Variants in RAP1GDS1 observed in about 807,000 individuals in gnomAD.
RAP1GDS1 encodes the protein RAP1, GTP-GDP dissociation stimulator 1.
In RAP1GDS1, 35 loss-of-function variants were observed where a neutral mutation model predicts 71.1. The observed-to-expected ratio is 0.49, with a 90% CI of 0.38 to 0.65. The LOEUF is 0.65. Among genes scored for constraint, RAP1GDS1 ranks in the 30% least tolerant of loss-of-function variants. The pLI, the probability that RAP1GDS1 is intolerant of heterozygous loss-of-function variation, is 0.00. For synonymous variants in RAP1GDS1, 229 were observed against 243.1 expected (o/e 0.94, Z 0.54); for missense variants, 663 against 706.1 (o/e 0.94, Z 0.69).
chr4:98,357,886 G>T (rs1227176347), intron 4 of RAP1GDS1, among the ~76,000 whole-genome samples: 2 of 151,932 alleles, frequency 1.3e-5, no homozygotes, highest in African/African-American at 4.8e-5. Context: ...GTAAGCTTGT[G>T]TGGATTAAGT....
chr4:98,363,228 C>A (rs1447191189), intron 4 of RAP1GDS1, among the ~76,000 whole-genome samples: 1 of 151,932 alleles, frequency 6.6e-6, no homozygotes, highest in Non-Finnish European at 1.5e-5. Flanking sequence ...TGGCTCACAT[C>A]TGTAATCCCA....
chr4:98,320,046 T>A (rs901630786), intron 2 of RAP1GDS1, among the ~76,000 whole-genome samples: 4 of 152,144 alleles, frequency 2.6e-5, no homozygotes, highest in African/African-American at 9.7e-5. Context: ...TATTTTGTCT[T>A]CTGTATGATT....
intron 4 of RAP1GDS1, among the ~76,000 whole-genome samples, chr4:98,369,164 C>G (rs1739979461): frequency 6.6e-6 from 1 of 152,082 alleles, no homozygotes; most frequent in African/African-American, 2.4e-5. Context: ...AAACAATCCG[C>G]CATGATTCAG....
intron 2 of RAP1GDS1, among the ~76,000 whole-genome samples, chr4:98,319,337 A>G (rs1041091937): frequency 2.0e-5 from 3 of 152,210 alleles, no homozygotes; most frequent in African/African-American, 7.2e-5. Flanking sequence ...CTCCCTTATT[A>G]GCATATATTT....
chr4:98,305,632 T>C (rs562359508), intron 2 of RAP1GDS1, among the ~76,000 whole-genome samples: 28 of 152,280 alleles, frequency 1.8e-4, no homozygotes, highest in Admixed American at 1.6e-3. Flanking sequence ...AGAAACAAGA[T>C]GTATAACAGT....
At chr4:98,328,054 C>T (rs550914882) in intron 2 of RAP1GDS1, among the ~76,000 whole-genome samples, 1 of 152,322 alleles carries the variant, frequency 6.6e-6, no homozygotes, top group Middle Eastern at 3.4e-3. Flanking sequence ...GTAAAGACAA[C>T]TAATTAAATA....
In RAP1GDS1 at chr4:98,292,601, A is replaced by T. The variant is rs376897547; in HGVS notation, c.5-807A>T. Among the ~76,000 whole-genome samples the T allele has an allele frequency of 1.3e-3, 203 of 152,170 alleles. 3 individuals are homozygous for T. The highest frequency in any genetic ancestry group is 3.8e-3 in the African/African-American group (157 of 41,526). On this transcript the variant is annotated intron_variant, in intron 1 of 14. Transcript: ENST00000408927. ...AAAAAACAATGCTATTCTTCTTGCT[A>T]AATTTTTTTGTTAGGAAATAATTTT...
At chr4:98,371,667 A>C (rs1214535048) in intron 4 of RAP1GDS1, among the ~76,000 whole-genome samples, 1 of 149,994 alleles carries the variant, frequency 6.7e-6, no homozygotes, top group Non-Finnish European at 1.5e-5. Flanking sequence ...AGTAGAGATG[A>C]GATTTCACTG....
At chr4:98,262,170 C>T (rs1166520579) in intron 1 of RAP1GDS1, among the ~76,000 whole-genome samples, 1 of 152,214 alleles carries the variant, frequency 6.6e-6, no homozygotes, top group African/African-American at 2.4e-5. Context: ...CCACGAGGAA[C>T]GTGAGGCAGG....
chr4:98,371,602 G>A (rs982742233), intron 4 of RAP1GDS1, among the ~76,000 whole-genome samples: 5 of 151,786 alleles, frequency 3.3e-5, no homozygotes, highest in East Asian at 1.9e-4. Flanking sequence ...TCAGCCTCCC[G>A]AGTAGCTGGG....
At chr4:98,368,720 A>T (rs1017058568) in intron 4 of RAP1GDS1, among the ~76,000 whole-genome samples, 10 of 152,302 alleles carry the variant, frequency 6.6e-5, no homozygotes, top group African/African-American at 2.2e-4. Flanking sequence ...GAAAAGTTAT[A>T]CATTTAAAAT....
At chr4:98,386,425 A>C (rs1307982265) in intron 5 of RAP1GDS1, among the ~76,000 whole-genome samples, 2 of 151,922 alleles carry the variant, frequency 1.3e-5, no homozygotes, top group African/African-American at 2.4e-5. Context: ...CAAAAGGGAA[A>C]TTTTGCCATG....
chr4:98,421,920 G>A (rs1283906166), intron 12 of RAP1GDS1, among the ~76,000 whole-genome samples: 5 of 151,964 alleles, frequency 3.3e-5, no homozygotes, highest in African/African-American at 7.2e-5. Context: ...TTTTCTTGTT[G>A]GGCGTGGTGG....
At chr4:98,421,168 C>A in intron 11 of RAP1GDS1, 87 bp from the exon 12 acceptor site, 2 of 1,319,618 alleles carry the variant, frequency 1.5e-6, no homozygotes, top group Non-Finnish European at 2.0e-6. Context: ...TTTTTTTAGA[C>A]GTCCTTCACA....
intron 6 of RAP1GDS1, among the ~76,000 whole-genome samples, chr4:98,402,203 C>G (rs1745520634): frequency 6.6e-6 from 1 of 152,108 alleles, no homozygotes; most frequent in Non-Finnish European, 1.5e-5. Flanking sequence ...TCCTGAGTAG[C>G]TGGGACTATA....
At chr4:98,307,106 G>A (rs1184524444) in intron 2 of RAP1GDS1, among the ~76,000 whole-genome samples, 2 of 151,308 alleles carry the variant, frequency 1.3e-5, no homozygotes, top group African/African-American at 2.4e-5. Flanking sequence ...TTAACATATG[G>A]TACATGTGAG....
intron 7 of RAP1GDS1, among the ~76,000 whole-genome samples, chr4:98,413,344 A>G (rs1457572980): frequency 6.6e-6 from 1 of 151,776 alleles, no homozygotes; most frequent in Non-Finnish European, 1.5e-5. Context: ...AGCATTAGGT[A>G]TATCTCCCAA....
In RAP1GDS1 at chr4:98,262,497, T is replaced by G. The variant is rs560777154; in HGVS notation, c.4+928T>G. ...TTTACATCATCTATTGCTTAACTGT[T>G]ACATTCAGTAATCACAGAAACGTCT... is the stretch of plus-strand genomic sequence containing the variant. On this transcript the variant is annotated intron_variant, in intron 1 of 14. Coordinates refer to ENST00000408927, the MANE Select transcript of RAP1GDS1 (RefSeq NM_001100427.2). Among the ~76,000 whole-genome samples the G allele has an allele frequency of 3.9e-5, 6 of 152,256 alleles. No homozygotes were observed. In the South Asian group the frequency reaches 1.2e-3, roughly 32 times the overall value.
chr4:98,333,346 C>T (rs960948427), intron 2 of RAP1GDS1, among the ~76,000 whole-genome samples: 1 of 151,778 alleles, frequency 6.6e-6, no homozygotes, highest in Non-Finnish European at 1.5e-5. Context: ...TTAGTGAAAA[C>T]ATAGGAAGCA....
Sources: gnomAD v4.1 joint callset for allele counts (sites outside exome capture counted in the v4.1 genomes callset) on GRCh38, gnomAD v4.1.1 for gene constraint, MANE v1.5 for transcripts, NCBI Gene and HGNC (gene_info 2026-07-23, HGNC 2026-07-21) for gene names.